Variants in DOCK7 observed in about 807,000 individuals in gnomAD.
The protein encoded by DOCK7 is dedicator of cytokinesis 7.
In DOCK7, 138 loss-of-function variants were observed where a neutral mutation model predicts 271.0. The observed-to-expected ratio is 0.51, with a 90% CI of 0.44 to 0.59. The LOEUF (loss-of-function observed/expected upper bound fraction) is 0.59. Among genes scored for constraint, DOCK7 ranks in the 20% least tolerant of loss-of-function variants. DOCK7 has a pLI of 0.00. For synonymous variants in DOCK7, 823 were observed against 876.1 expected (o/e 0.94, Z 1.07); for missense variants, 2,066 against 2,592.4 (o/e 0.80, Z 4.41).
chr1:62,658,416 C>T (rs1658283937), intron 2 of DOCK7, among the ~76,000 whole-genome samples: 1 of 152,104 alleles, frequency 6.6e-6, no homozygotes, highest in East Asian at 1.9e-4. Flanking sequence ...GTCAAGATTG[C>T]ACCACTGCAC....
chr1:62,455,703 A>C (rs929338970), intron 49 of DOCK7, among the ~76,000 whole-genome samples: 3 of 152,184 alleles, frequency 2.0e-5, no homozygotes, highest in Non-Finnish European at 2.9e-5. Flanking sequence ...GATGCTGCAG[A>C]TATTGTAATA....
intron 11 of DOCK7, chr1:62,629,242 A>G (rs1380988835): frequency 6.6e-6 from 1 of 152,178 alleles, no homozygotes; most frequent in African/African-American, 2.4e-5. Flanking sequence ...TCCTAGCTAT[A>G]TATCTACATA....
At chr1:62,544,876 A>G in intron 23 of DOCK7, 71 bp downstream of exon 23, 5 of 1,203,702 alleles carry the variant, frequency 4.2e-6, no homozygotes, top group Non-Finnish European at 4.6e-6. Context: ...AAATCATAGT[A>G]TATACTAAAA....
In DOCK7 at chr1:62,618,803, G is replaced by A. The variant is rs142744313; in HGVS notation, c.1585C>T (p.Leu529Phe). The A allele has an allele frequency of 2.5e-4, 399 of 1,613,754 alleles. No homozygotes were observed. The highest frequency in any genetic ancestry group is 3.2e-4 in the Non-Finnish European group (378 of 1,179,694). The change falls in exon 14 of 50, where the codon CTT (leucine) becomes TTT (phenylalanine). Residue 529 changes from leucine to phenylalanine, a missense_variant. Leu to Phe is a conservative substitution (Grantham distance 22). Coordinates refer to ENST00000635253, the MANE Select transcript of DOCK7 (RefSeq NM_001367561.1). The stretch of plus-strand genomic sequence containing the variant: ...CTGTCAGGGTAAAGCTTCACTTGAA[G>A]CAGCTCCGGAGTTAGGCAATAATGG... Reference protein sequence around the residue: ...NPHYCLTPELLQVKLYPDSRV... With the variant: ...NPHYCLTPELFQVKLYPDSRV...
chr1:62,535,353 T>G, intron 29 of DOCK7, 140 bp downstream of exon 29: 2 of 660,902 alleles, frequency 3.0e-6, no homozygotes, highest in Non-Finnish European at 4.9e-6. Flanking sequence ...ATAATATAAG[T>G]GAGAAACTTA....
chr1:62,526,646 T>C (rs967883699), intron 31 of DOCK7, among the ~76,000 whole-genome samples: 3 of 152,142 alleles, frequency 2.0e-5, no homozygotes, highest in Non-Finnish European at 4.4e-5. Context: ...GCATTATTCT[T>C]AACAGCCCCA....
At chr1:62,638,865 ACT>A (rs1388284238) in intron 7 of DOCK7, among the ~76,000 whole-genome samples, 3 of 151,856 alleles carry the variant, frequency 2.0e-5, no homozygotes, top group East Asian at 1.9e-4. Context: ...AAAAACGTCC[ACT>A]GTTATTACAA....
At position 62,586,543 on chromosome 1, in the gene DOCK7, C is replaced by G. The variant is rs1171391141; in HGVS notation, c.1764G>C (p.Gln588His). The G allele has an allele frequency of 3.1e-6, 5 of 1,612,628 alleles. No homozygotes were observed. Among genetic ancestry groups the G allele is most frequent in the African/African-American group, 1.3e-5 (1 of 74,860 alleles). The change falls in exon 15 of 50, where the codon CAG (glutamine) becomes CAC (histidine). Residue 588 changes from glutamine to histidine, a missense_variant. Around this residue, in one of 2 missense-constraint regions of DOCK7, gnomAD observed 1,414 missense variants for 1,670.4 expected, o/e 0.85. Coordinates refer to ENST00000635253, the MANE Select transcript of DOCK7 (RefSeq NM_001367561.1). ...GSARNITVKV[Q>H]FMYGEDPSNA... ...TGCTTGGATCCTCTCCATACATAAA[C>G]TGGACTTTCACTGTTATATTTCTAG...
At chr1:62,567,701 A>G (rs185307019) in intron 18 of DOCK7, among the ~76,000 whole-genome samples, 3 of 152,170 alleles carry the variant, frequency 2.0e-5, no homozygotes, top group African/African-American at 7.2e-5. Context: ...TATCATAAAA[A>G]TAAATAAATA....
Position 62,634,826 on chromosome 1 carries a change from A to C in DOCK7, c.982T>G (p.Ser328Ala). 1 of 1,613,480 alleles carries C rather than the reference A, an allele frequency of 6.2e-7. No individual in the cohort carries two copies. Among genetic ancestry groups the C allele is most frequent in the Non-Finnish European group, 8.5e-7 (1 of 1,179,604 alleles). The change falls in exon 9 of 50, where the codon TCA becomes GCA. Residue 328 changes from serine (S) to alanine (A), a missense_variant. Physicochemically the swap from Ser to Ala is moderately conservative, Grantham distance 99. Around this residue, in one of 2 missense-constraint regions of DOCK7, gnomAD observed 1,414 missense variants for 1,670.4 expected, o/e 0.85. Coordinates refer to ENST00000635253, the MANE Select transcript of DOCK7 (RefSeq NM_001367561.1). ...GGATAAGTGATAGAAAAAATTGCTG[A>C]TCTTGCCAGGGTAGTAATGGCAGCA... ...PPAAITTLAR[S>A]AIFSITYPSQ...
intron 14 of DOCK7, among the ~76,000 whole-genome samples, chr1:62,595,534 G>A (rs1202638374): frequency 3.9e-5 from 6 of 152,130 alleles, no homozygotes; most frequent in Non-Finnish European, 5.9e-5. Context: ...TAACCACTAT[G>A]GAATACTGCC....
intron 48 of DOCK7, among the ~76,000 whole-genome samples, chr1:62,470,795 A>C (rs543665970): frequency 6.6e-6 from 1 of 152,290 alleles, no homozygotes; most frequent in Non-Finnish European, 1.5e-5. Flanking sequence ...CGTCTCAAAC[A>C]AAACAAAACA....
intron 7 of DOCK7, among the ~76,000 whole-genome samples, chr1:62,644,830 T>G (rs1022411823): frequency 7.2e-5 from 11 of 152,204 alleles, no homozygotes; most frequent in African/African-American, 2.7e-4. Flanking sequence ...TGGACTTTTC[T>G]TATCATAGAC....
rs942277630 is a variant in DOCK7 at position 62,566,469 on chromosome 1, G to A, written c.2113-4766C>T. On this transcript the variant is annotated intron_variant, in intron 18 of 49. Transcript: ENST00000635253. The stretch of plus-strand genomic sequence containing the variant: ...GGAAAGGATTCCCTATTTGATAAAT[G>A]GTGTTGGGAAAACTGGCTAGTCATA... Among the ~76,000 whole-genome samples, 3 of 152,174 alleles carry A rather than the reference G, an allele frequency of 2.0e-5. No individual in the cohort carries two copies. In the South Asian group the frequency reaches 6.2e-4, roughly 32 times the overall value.
chr1:62,550,378 GTCT>G (rs1286790887), intron 22 of DOCK7, among the ~76,000 whole-genome samples: 4 of 152,152 alleles, frequency 2.6e-5, no homozygotes, highest in East Asian at 1.9e-4. Context: ...GTTTATCAAA[GTCT>G]TCTTCTGATG....
chr1:62,587,354 C>T lies in DOCK7; in HGVS notation c.1683-730G>A, dbSNP rs147266322. 5.5e-3 allele frequency among the ~76,000 whole-genome samples: 799 copies of T among 145,988 alleles called. 12 individuals carry two copies. The highest frequency in any genetic ancestry group is 0.019 in the African/African-American group (751 of 39,628). On this transcript the variant is annotated intron_variant, in intron 14 of 49. Transcript: ENST00000635253. The stretch of plus-strand genomic sequence containing the variant: ...AAGAGTTACTTTACCTGAAGACTAG[C>T]GTTTAGAGCCAATGAACAAGACGTT...
chr1:62,626,358 G>A (rs1415354176), intron 11 of DOCK7, among the ~76,000 whole-genome samples: 3 of 151,954 alleles, frequency 2.0e-5, no homozygotes, highest in Non-Finnish European at 4.4e-5. Flanking sequence ...GAAACCAGCA[G>A]AAGGCTACAA....
chr1:62,489,164 CTG>C, intron 41 of DOCK7, 99 bp from the exon 42 acceptor site: 1 of 1,208,058 alleles, frequency 8.3e-7, no homozygotes, highest in Non-Finnish European at 1.1e-6. Flanking sequence ...AGATAATACA[CTG>C]AGGCCAGACG....
chr1:62,459,040 C>T (rs1441603804), intron 48 of DOCK7: 1 of 151,874 alleles, frequency 6.6e-6, no homozygotes, highest in East Asian at 1.9e-4. Flanking sequence ...AAGAGTTAAG[C>T]AACTTAAAGT....
Sources: gnomAD v4.1 joint callset for allele counts (sites outside exome capture counted in the v4.1 genomes callset) on GRCh38, gnomAD v4.1.1 for gene constraint, gnomAD v4.1.1 regional missense constraint, MANE v1.5 for transcripts, NCBI Gene and HGNC (gene_info 2026-07-23, HGNC 2026-07-21) for gene names.